Variants in C4orf50 observed in about 807,000 individuals in gnomAD.
C4orf50 encodes uncharacterized protein C4orf50.
A neutral mutation model predicts 77.2 loss-of-function variants in C4orf50; 80 were observed. That is an observed-to-expected ratio of 1.04 (90% CI 0.87 to 1.25). The LOEUF is 1.25. C4orf50 is among the 50% of genes most tolerant of loss of function. C4orf50 has a pLI of 0.00. For missense variants in C4orf50, 1,257 were observed against 1,152.9 expected (o/e 1.09, Z -1.31); for synonymous variants, 532 against 465.3 (o/e 1.14, Z -1.84).
rs770851606 is a variant in C4orf50, at chr4:5,932,520, C to T, written c.*2474+24381G>A. 1.7e-4 allele frequency among the ~76,000 whole-genome samples: 26 copies of T among 152,194 alleles called. No homozygotes were observed. The highest frequency in any genetic ancestry group is 2.9e-4 in the Non-Finnish European group (20 of 68,030). ...GCTCCATCACAGTTCACTGCAGCCT[C>T]GACCTCCCAGGCTCAATTGATCCTC... On this transcript the variant is annotated intron_variant, in intron 7 of 7. Coordinates refer to the C4orf50 transcript ENST00000324058. This position sits in a 1 kb window ranked among gnomAD's most constrained non-coding sequence, Gnocchi z 4.2.
In C4orf50 at chr4:5,903,342, C is replaced by T. The variant is rs76997676; in HGVS notation, c.*2475-5154G>A. 3.9e-5 allele frequency: 6 copies of T among 152,306 alleles called. No individual in the cohort carries two copies. In the East Asian group the frequency reaches 7.7e-4, roughly 20 times the overall value. 9.4% of individuals were successfully genotyped at this position (152,306 alleles called of 1,614,324 possible). ...AAAAAATGCAACATAGGCATTTGTA[C>T]ACCTGTGTTCATAGGAGCAATACTC... On this transcript the variant is annotated intron_variant, in intron 7 of 7. Coordinates refer to the C4orf50 transcript ENST00000324058.
At chr4:5,971,484 T>A (rs1002352250) in intron 31 of C4orf50, among the ~76,000 whole-genome samples, 6 of 137,024 alleles carry the variant, frequency 4.4e-5, no homozygotes, top group African/African-American at 1.7e-4. Flanking sequence ...ACATCACAAT[T>A]TTTTTTTTTC....
At chr4:6,003,835 T>TG (rs1491270274) in intron 25 of C4orf50, among the ~76,000 whole-genome samples, 720 of 5,062 alleles carry the variant, frequency 0.14, 50 homozygotes, top group African/African-American at 0.32. Flanking sequence ...ATGGTGATGA[T>TG]GTGATAGTGA....
At chr4:5,926,465 A>G (rs1044165529) in intron 7 of C4orf50, among the ~76,000 whole-genome samples, 1 of 152,188 alleles carries the variant, frequency 6.6e-6, no homozygotes, top group African/African-American at 2.4e-5. Flanking sequence ...GACTGTCTAA[A>G]GGGCCTAAAG....
At chr4:5,960,283 T>A (rs1262648882) in intron 33 of C4orf50, among the ~76,000 whole-genome samples, 1 of 152,196 alleles carries the variant, frequency 6.6e-6, no homozygotes, top group Non-Finnish European at 1.5e-5. Context: ...ACGACCAACA[T>A]CTCACACCTC....
chr4:5,920,475 CTTTT>C (rs527939516), intron 7 of C4orf50, among the ~76,000 whole-genome samples: 2 of 128,972 alleles, frequency 1.6e-5, no homozygotes. Flanking sequence ...ATAAACATTG[CTTTT>C]TTTTTTTTTT....
exon 8 of C4orf50, chr4:5,897,975 A>G (rs2152479129): frequency 6.6e-6 from 1 of 152,356 alleles, no homozygotes; most frequent in African/African-American, 2.4e-5. Context: ...TTGGCCTGCC[A>G]ACATTCTCAG....
At chr4:5,935,336 G>C (rs1369439434) in intron 7 of C4orf50, among the ~76,000 whole-genome samples, 1 of 152,216 alleles carries the variant, frequency 6.6e-6, no homozygotes, top group African/African-American at 2.4e-5. Flanking sequence ...AGAAGATAGA[G>C]AGGAAGTTTG....
downstream of C4orf50, among the ~76,000 whole-genome samples, chr4:5,953,072 G>T (rs556905455): frequency 6.6e-5 from 10 of 152,310 alleles, no homozygotes; most frequent in East Asian, 1.9e-3. Flanking sequence ...GGTCTGCTGT[G>T]AGAGGCAGGA....
chr4:6,004,167 A>C (rs1577991900), intron 25 of C4orf50, among the ~76,000 whole-genome samples: 2 of 100,498 alleles, frequency 2.0e-5, no homozygotes, highest in African/African-American at 4.2e-5. Flanking sequence ...GATGATAGTG[A>C]TGATGGTGAT....
At chr4:6,001,735 T>A (rs1233105488) in intron 25 of C4orf50, among the ~76,000 whole-genome samples, 1 of 152,246 alleles carries the variant, frequency 6.6e-6, no homozygotes, top group South Asian at 2.1e-4. Flanking sequence ...GTGCTGGGAA[T>A]GCAGCAGAAA....
intron 23 of C4orf50, among the ~76,000 whole-genome samples, chr4:6,013,423 T>C (rs1425996820): frequency 6.6e-6 from 1 of 152,222 alleles, no homozygotes; most frequent in South Asian, 2.1e-4. Context: ...ATGAGAACAG[T>C]ATTTAATTCT....
rs115595547 is a variant in C4orf50, at chr4:5,931,611, G to C, written c.*2474+25290C>G. 1.2e-3 allele frequency among the ~76,000 whole-genome samples: 177 copies of C among 152,192 alleles called. 1 individual carries two copies. Among genetic ancestry groups the C allele is most frequent in the African/African-American group, 4.1e-3 (170 of 41,532 alleles). On this transcript the variant is annotated intron_variant, in intron 7 of 7. Coordinates refer to the C4orf50 transcript ENST00000324058. ...CACGCTCCAAACACAGGCTCTGCGCGGCTGTTTTCCTCCTGTCCTTCCACA... is the reference window on the plus strand; with the variant it reads ...CACGCTCCAAACACAGGCTCTGCGCCGCTGTTTTCCTCCTGTCCTTCCACA...
At chr4:6,003,310 A>T (rs1204172686) in intron 25 of C4orf50, among the ~76,000 whole-genome samples, 4 of 152,222 alleles carry the variant, frequency 2.6e-5, no homozygotes, top group Non-Finnish European at 4.4e-5. Context: ...ATAAGCCCTC[A>T]GGAAAAATAA....
At chr4:5,938,423 A>G (rs542541019) in intron 7 of C4orf50, among the ~76,000 whole-genome samples, 1 of 152,324 alleles carries the variant, frequency 6.6e-6, no homozygotes, top group African/African-American at 2.4e-5. Context: ...AACAATGACA[A>G]TGTCCTAAGT....
At chr4:5,938,682 C>T (rs183888970) in intron 7 of C4orf50, among the ~76,000 whole-genome samples, 1 of 152,150 alleles carries the variant, frequency 6.6e-6, no homozygotes, top group East Asian at 1.9e-4. Flanking sequence ...TAATTTGAAC[C>T]TGTCCTCAGT....
downstream of C4orf50, among the ~76,000 whole-genome samples, chr4:5,953,642 T>G (rs1718822906): frequency 6.6e-6 from 1 of 152,182 alleles, no homozygotes; most frequent in Non-Finnish European, 1.5e-5. Context: ...GCCAGCCTCC[T>G]GAGTCTGGCA....
chr4:5,973,576 C>T, intron 31 of C4orf50, 83 bp downstream of exon 9: 1 of 1,165,454 alleles, frequency 8.6e-7, no homozygotes, highest in Non-Finnish European at 1.2e-6. Flanking sequence ...AAAGGAGGGG[C>T]TGCTCCAGTC....
At chr4:5,918,813 C>T (rs148909623) in intron 7 of C4orf50, among the ~76,000 whole-genome samples, 136 of 152,324 alleles carry the variant, frequency 8.9e-4, no homozygotes, top group African/African-American at 3.0e-3. Flanking sequence ...GGAGGCATGC[C>T]AGAACGACTG....
Sources: allele counts gnomAD v4.1 joint callset (sites outside exome capture counted in the v4.1 genomes callset), GRCh38; gene constraint gnomAD v4.1.1; non-coding constraint Gnocchi (gnomAD v3.1); transcripts MANE v1.5; gene names NCBI Gene and HGNC (gene_info 2026-07-23, HGNC 2026-07-21).